The following VMP1 variants were observed in gnomAD, a reference collection of about 807,000 sequenced individuals.
VMP1 encodes the protein vacuole membrane protein 1, also known as ectopic P-granules autophagy protein 3 homolog.
In VMP1, 11 loss-of-function variants were observed where a neutral mutation model predicts 56.0. The ratio of observed to expected loss-of-function variants is 0.20; its 90% CI spans 0.12 to 0.32. The LOEUF (loss-of-function observed/expected upper bound fraction) is 0.32, where lower values mean the gene tolerates loss of function less well. VMP1 is among the 10% of genes least tolerant of loss of function. VMP1 has a pLI of 1.00. For synonymous variants in VMP1, 149 were observed against 165.0 expected (o/e 0.90, Z 0.74); for missense variants, 296 against 490.3 (o/e 0.60, Z 3.74).
At chr17:59,747,239 C>T (rs528161545) in intron 5 of VMP1, among the ~76,000 whole-genome samples, 3 of 152,080 alleles carry the variant, frequency 2.0e-5, no homozygotes, top group African/African-American at 4.8e-5. Context: ...AATAGTTTCT[C>T]GCATTCGTTC....
intron 5 of VMP1, among the ~76,000 whole-genome samples, chr17:59,743,657 C>A (rs2035312305): frequency 6.7e-6 from 1 of 149,754 alleles, no homozygotes; most frequent in Non-Finnish European, 1.5e-5. Flanking sequence ...CTGATAGATC[C>A]TGAGTATAAT....
At chr17:59,790,170 T>C (rs972608384) in intron 7 of VMP1, among the ~76,000 whole-genome samples, 1 of 152,138 alleles carries the variant, frequency 6.6e-6, no homozygotes, top group Non-Finnish European at 1.5e-5. Context: ...TGCTTATTAT[T>C]TAAGGAGATT....
chr17:59,816,818 C>T (rs968808136), intron 9 of VMP1, among the ~76,000 whole-genome samples: 2 of 151,556 alleles, frequency 1.3e-5, no homozygotes, highest in Admixed American at 6.6e-5. Flanking sequence ...TGGTGTCGTG[C>T]GCCTGTAATC....
chr17:59,783,441 A>T (rs1287100603), intron 7 of VMP1, among the ~76,000 whole-genome samples: 6 of 152,138 alleles, frequency 3.9e-5, no homozygotes, highest in Admixed American at 3.9e-4. Flanking sequence ...TTTCCACTAG[A>T]TGTCTGTGAG....
chr17:59,725,415 A>G (rs2034563594), intron 1 of VMP1, among the ~76,000 whole-genome samples: 1 of 152,192 alleles, frequency 6.6e-6, no homozygotes, highest in African/African-American at 2.4e-5. Flanking sequence ...AAAATGTTAA[A>G]TCCTTTAGAA....
intron 6 of VMP1, among the ~76,000 whole-genome samples, chr17:59,771,236 A>C (rs555617402): frequency 1.3e-5 from 2 of 151,868 alleles, no homozygotes; most frequent in African/African-American, 4.8e-5. Context: ...GCAGTGGCAC[A>C]ATCACAGCTC....
intron 5 of VMP1, among the ~76,000 whole-genome samples, chr17:59,755,131 G>A (rs557202633): frequency 7.7e-4 from 116 of 150,016 alleles, no homozygotes; most frequent in Non-Finnish European, 1.5e-3. Context: ...TTTTTTAGAC[G>A]GAGACTCACT....
intron 5 of VMP1, among the ~76,000 whole-genome samples, chr17:59,748,889 TA>T (rs1273481639): frequency 4.9e-4 from 67 of 136,426 alleles, no homozygotes; most frequent in African/African-American, 1.8e-3. Flanking sequence ...TTATTATTAT[TA>T]TTTATTTTTT....
At chr17:59,714,156 C>T (rs868343433) in intron 1 of VMP1, among the ~76,000 whole-genome samples, 2 of 151,888 alleles carry the variant, frequency 1.3e-5, no homozygotes, top group African/African-American at 2.4e-5. Context: ...TTTTTATAGC[C>T]GTGGAAGCTG....
chr17:59,794,557 A>C (rs1192855545), intron 7 of VMP1, among the ~76,000 whole-genome samples: 1 of 120,928 alleles, frequency 8.3e-6, no homozygotes, highest in African/African-American at 3.3e-5. Context: ...TTTTTAACGA[A>C]AATCTAAGTA....
At chr17:59,832,042 C>T (rs1214460641) in intron 10 of VMP1, among the ~76,000 whole-genome samples, 1 of 151,822 alleles carries the variant, frequency 6.6e-6, no homozygotes, top group African/African-American at 2.4e-5. Flanking sequence ...GCCACCATGC[C>T]TGGTGGAAAA....
Position 59,840,244 on chromosome 17 carries a change from C to T in VMP1, c.*333C>T, listed in dbSNP as rs1598477093. ...AATTCCCACCGCACAAAAAAAGTTC[C>T]TAAGTATGTTAAATATGTCAAGCTT... On this transcript the variant is annotated 3_prime_UTR_variant, in exon 12 of 12. Transcript: ENST00000262291. 1 of 237,780 alleles carries T rather than the reference C, an allele frequency of 4.2e-6. No homozygotes were observed. Among genetic ancestry groups the T allele is most frequent in the African/African-American group, 2.3e-5 (1 of 43,218 alleles). 14.7% of individuals were successfully genotyped at this position (237,780 alleles called of 1,614,324 possible). A position where few individuals can be genotyped will look rare whatever the true frequency, so the allele number is the denominator to read the frequency against.
chr17:59,783,405 C>G (rs2036894119), intron 7 of VMP1, among the ~76,000 whole-genome samples: 1 of 152,100 alleles, frequency 6.6e-6, no homozygotes, highest in Admixed American at 6.5e-5. Flanking sequence ...AAGCTGACTT[C>G]CTTTTGCTCT....
At chr17:59,764,115 G>A (rs765123060) in intron 5 of VMP1, among the ~76,000 whole-genome samples, 12 of 152,112 alleles carry the variant, frequency 7.9e-5, no homozygotes, top group Non-Finnish European at 1.2e-4. Context: ...GTTACATGAG[G>A]TGGTAGATCA....
intron 5 of VMP1, among the ~76,000 whole-genome samples, chr17:59,752,243 G>A (rs2035681984): frequency 6.6e-6 from 1 of 152,154 alleles, no homozygotes; most frequent in Non-Finnish European, 1.5e-5. Flanking sequence ...GAGTGAATGC[G>A]GCCGTTTTCT....
Position 59,731,612 on chromosome 17 carries a change from A to C in VMP1, c.76+90A>C, listed in dbSNP as rs1598304671. On this transcript the variant is annotated intron_variant, in intron 2 of 11. Coordinates refer to ENST00000262291, the MANE Select transcript of VMP1 (RefSeq NM_030938.5). ...AAAATAGAGATATATTACTTCTTTT[A>C]TTTTTAATCTTATATTATCTTCTTA... 9 of 915,974 alleles carry C rather than the reference A, an allele frequency of 9.8e-6. No individual in the cohort carries two copies. The East Asian group carries it at 3.2e-4, about 32-fold the overall frequency. 56.7% of individuals were successfully genotyped at this position (915,974 alleles called of 1,614,324 possible). A position where few individuals can be genotyped will look rare whatever the true frequency, so the allele number is the denominator to read the frequency against.
intron 1 of VMP1, among the ~76,000 whole-genome samples, chr17:59,724,971 A>AAAAAC (rs2034544747): frequency 7.0e-6 from 1 of 141,916 alleles, no homozygotes; most frequent in African/African-American, 2.7e-5. Flanking sequence ...GTCTCAAAAA[A>AAAAAC]AAAAACAAAA....
intron 10 of VMP1, among the ~76,000 whole-genome samples, chr17:59,819,704 G>A (rs1477855092): frequency 6.6e-6 from 1 of 152,104 alleles, no homozygotes; most frequent in Admixed American, 6.6e-5. Context: ...CGCCCATCTC[G>A]GGCTTCCAAA....
intron 6 of VMP1, among the ~76,000 whole-genome samples, chr17:59,766,924 C>T (rs1346804540): frequency 6.6e-6 from 1 of 152,008 alleles, no homozygotes; most frequent in Non-Finnish European, 1.5e-5. Flanking sequence ...GGATTACAGG[C>T]ACCCGCCACC....
Sources: allele counts gnomAD v4.1 joint callset (sites outside exome capture counted in the v4.1 genomes callset), GRCh38; gene constraint gnomAD v4.1.1; transcripts MANE v1.5; gene names NCBI Gene and HGNC (gene_info 2026-07-23, HGNC 2026-07-21).